PABPC4L: variants seen among roughly 807,000 people sequenced by gnomAD.
PABPC4L encodes the protein polyadenylate-binding protein 4-like.
For missense variants in PABPC4L, 452 were observed against 451.4 expected, an observed-to-expected ratio of 1.00 and a Z score of -0.01; for synonymous variants, 169 against 164.1, an observed-to-expected ratio of 1.03 and a Z score of -0.23.
At chr4:134,093,530 C>T in the PABPC4L span, among the ~76,000 whole-genome samples, 3 of 149,722 alleles carry the variant, frequency 2.0e-5, no homozygotes, top group East Asian at 3.9e-4. Context: ...ACATTAAAGT[C>T]ATCAAAGACC....
the PABPC4L span, among the ~76,000 whole-genome samples, chr4:134,132,342 C>T: frequency 6.6e-6 from 1 of 151,860 alleles, no homozygotes; most frequent in Non-Finnish European, 1.5e-5. Context: ...CCAGAATCTA[C>T]AAGGAACTCA....
chr4:133,967,287 A>G, the PABPC4L span, among the ~76,000 whole-genome samples: 1 of 152,120 alleles, frequency 6.6e-6, no homozygotes, highest in Non-Finnish European at 1.5e-5. Flanking sequence ...TCTCAGCAAT[A>G]TAGCAAGACC....
At chr4:134,095,723 C>T in the PABPC4L span, among the ~76,000 whole-genome samples, 1 of 151,920 alleles carries the variant, frequency 6.6e-6, no homozygotes, top group African/African-American at 2.4e-5. Flanking sequence ...AAATCCTTAT[C>T]ACTTCTCCTT....
the PABPC4L span, among the ~76,000 whole-genome samples, chr4:133,995,546 AC>A: frequency 6.6e-6 from 1 of 152,188 alleles, no homozygotes; most frequent in Non-Finnish European, 1.5e-5. Flanking sequence ...CCCTGGGCTA[AC>A]CAATTGATAA....
chr4:134,045,693 T>A, the PABPC4L span, among the ~76,000 whole-genome samples: 1 of 152,210 alleles, frequency 6.6e-6, no homozygotes, highest in South Asian at 2.1e-4. Context: ...GATCCTGCAA[T>A]TTTGCCGGTG....
At chr4:133,953,312 T>C in the PABPC4L span, among the ~76,000 whole-genome samples, 1 of 152,150 alleles carries the variant, frequency 6.6e-6, no homozygotes, top group African/African-American at 2.4e-5. Context: ...CTACTTCCTC[T>C]ACAGTGGAAA....
At chr4:134,026,861 G>C in the PABPC4L span, among the ~76,000 whole-genome samples, 1 of 151,998 alleles carries the variant, frequency 6.6e-6, no homozygotes, top group Non-Finnish European at 1.5e-5. Flanking sequence ...AAGATTGCCA[G>C]ACAAACATCA....
chr4:134,087,233 T>C, the PABPC4L span, among the ~76,000 whole-genome samples: 2 of 152,060 alleles, frequency 1.3e-5, no homozygotes, highest in South Asian at 2.1e-4. Flanking sequence ...ATATACACCA[T>C]GGAATACTAT....
the PABPC4L span, among the ~76,000 whole-genome samples, chr4:134,110,432 T>C: frequency 6.6e-6 from 1 of 151,940 alleles, no homozygotes; most frequent in Non-Finnish European, 1.5e-5. Flanking sequence ...GAAAAATATT[T>C]TTTTCTTAGA....
chr4:133,967,492 C>A, the PABPC4L span, among the ~76,000 whole-genome samples: 1 of 152,176 alleles, frequency 6.6e-6, no homozygotes, highest in Admixed American at 6.5e-5. Flanking sequence ...TAAAGATGTC[C>A]TTTAAATAAC....
chr4:134,081,640 A>T, the PABPC4L span, among the ~76,000 whole-genome samples: 2 of 152,108 alleles, frequency 1.3e-5, no homozygotes, highest in Non-Finnish European at 2.9e-5. Flanking sequence ...AATCCTGCAT[A>T]GCCAACGGTA....
At chr4:134,095,103 A>G in the PABPC4L span, among the ~76,000 whole-genome samples, 1 of 151,702 alleles carries the variant, frequency 6.6e-6, no homozygotes, top group Non-Finnish European at 1.5e-5. Context: ...TAATGTTTCC[A>G]TATTCTTGGT....
chr4:134,026,492 TTATTTCAAAATATAAAAATG>T, the PABPC4L span, among the ~76,000 whole-genome samples: 2 of 152,096 alleles, frequency 1.3e-5, no homozygotes, highest in Admixed American at 1.3e-4. Context: ...TCACCTAGAA[TTATTTCAAAATATAAAAATG>T]TAGTAGTTAA....
the PABPC4L span, among the ~76,000 whole-genome samples, chr4:134,174,977 G>A: frequency 1.2e-4 from 19 of 152,188 alleles, no homozygotes; most frequent in Admixed American, 1.2e-3. Flanking sequence ...TTGTAAGAAT[G>A]CAATCCTATT....
the PABPC4L span, among the ~76,000 whole-genome samples, chr4:134,102,010 A>C: frequency 6.6e-6 from 1 of 151,510 alleles, no homozygotes; most frequent in African/African-American, 2.4e-5. Context: ...GAGCTGTTTG[A>C]ATTCTTGTCC....
chr4:133,961,043 C>T, the PABPC4L span, among the ~76,000 whole-genome samples: 2 of 152,250 alleles, frequency 1.3e-5, no homozygotes, highest in South Asian at 2.1e-4. Context: ...CCATTGGTTG[C>T]TCTCCTTACT....
the PABPC4L span, among the ~76,000 whole-genome samples, chr4:134,170,195 T>C: frequency 1.3e-5 from 2 of 152,170 alleles, no homozygotes; most frequent in African/African-American, 4.8e-5. Context: ...CATTGTATAA[T>C]ACTTGCAGCT....
At chr4:134,121,251 TA>T in the PABPC4L span, among the ~76,000 whole-genome samples, 821 of 151,588 alleles carry the variant, frequency 5.4e-3, 4 homozygotes, top group South Asian at 8.3e-3. Context: ...CTCTGATAAC[TA>T]ATATCAGGAT....
At chr4:134,052,056 C>G in the PABPC4L span, among the ~76,000 whole-genome samples, 1 of 151,876 alleles carries the variant, frequency 6.6e-6, no homozygotes, top group Non-Finnish European at 1.5e-5. Context: ...ATAGACTATA[C>G]ACAGGCTACT....
Sources: gnomAD v4.1 joint callset for allele counts (sites outside exome capture counted in the v4.1 genomes callset) on GRCh38, gnomAD v4.1.1 for gene constraint, MANE v1.5 for transcripts, NCBI Gene and HGNC (gene_info 2026-07-23, HGNC 2026-07-21) for gene names.